Variants in NVL observed in about 807,000 individuals in gnomAD.
The protein encoded by NVL is nuclear valosin-containing protein-like.
Under a neutral mutation model 110.2 loss-of-function variants are expected in NVL, and 84 were observed. The ratio of observed to expected loss-of-function variants is 0.76; its 90% CI spans 0.64 to 0.91. The LOEUF is 0.91. NVL is among the 40% of genes least tolerant of loss of function. The pLI, the probability that NVL is intolerant of heterozygous loss-of-function variation, is 0.00. For synonymous variants in NVL, 354 were observed against 361.1 expected (o/e 0.98, Z 0.22); for missense variants, 882 against 1,035.9 (o/e 0.85, Z 2.04).
chr1:224,306,614 T>C (rs1312683916), intron 6 of NVL, among the ~76,000 whole-genome samples: 1 of 152,130 alleles, frequency 6.6e-6, no homozygotes, highest in Non-Finnish European at 1.5e-5. Context: ...GGTGGATCAC[T>C]TGAGCTCAGG....
intron 17 of NVL, among the ~76,000 whole-genome samples, chr1:224,274,992 G>A (rs1665611982): frequency 6.6e-6 from 1 of 152,126 alleles, no homozygotes; most frequent in African/African-American, 2.4e-5. Flanking sequence ...TAAACTGTAT[G>A]TTTTCCTGTC....
intron 2 of NVL, among the ~76,000 whole-genome samples, chr1:224,320,144 G>A (rs968912213): frequency 1.3e-5 from 2 of 152,084 alleles, no homozygotes; most frequent in African/African-American, 4.8e-5. Context: ...TAGCTATAAA[G>A]AACATTATTG....
intron 19 of NVL, among the ~76,000 whole-genome samples, chr1:224,237,033 G>A (rs1660564832): frequency 6.6e-6 from 1 of 152,210 alleles, no homozygotes. Context: ...GTTGAGAAAT[G>A]AGGCTAAGAA....
chr1:224,321,134 C>G (rs1313746674), intron 2 of NVL, among the ~76,000 whole-genome samples: 1 of 152,038 alleles, frequency 6.6e-6, no homozygotes, highest in Non-Finnish European at 1.5e-5. Context: ...TGCCTTAGTT[C>G]CAGCCATCTG....
At chr1:224,278,799 C>A (rs1339507271) in intron 16 of NVL, among the ~76,000 whole-genome samples, 1 of 151,954 alleles carries the variant, frequency 6.6e-6, no homozygotes, top group Non-Finnish European at 1.5e-5. Flanking sequence ...GTGGCGTGAT[C>A]ATAGCTCACT....
chr1:224,330,168 T>G lies in NVL; in HGVS notation c.-41A>C. ...AGCCACAGCTCGGACCGCCAGCTCC[T>G]AGTCAACCGGGGGCCTCGTAGGGGT... On this transcript the variant is annotated 5_prime_UTR_variant, in exon 1 of 23. Transcript: ENST00000281701. 6.2e-7 allele frequency: 1 copy of G among 1,607,926 alleles called. No homozygotes were observed. The highest frequency in any genetic ancestry group is 1.7e-4 in the Middle Eastern group (1 of 6,024).
At chr1:224,302,326 A>G (rs1668499326) in intron 9 of NVL, among the ~76,000 whole-genome samples, 1 of 151,802 alleles carries the variant, frequency 6.6e-6, no homozygotes, top group African/African-American at 2.4e-5. Context: ...CTTAGCCCCC[A>G]AGTAGCTGGG....
intron 9 of NVL, chr1:224,302,869 T>A (rs1668555854): frequency 3.5e-6 from 1 of 287,142 alleles, no homozygotes; most frequent in African/African-American, 2.3e-5. Flanking sequence ...GGCAACATAG[T>A]GGGCTTCGTC....
chr1:224,294,012 C>T (rs1220540961), intron 12 of NVL, among the ~76,000 whole-genome samples: 1 of 152,030 alleles, frequency 6.6e-6, no homozygotes, highest in Non-Finnish European at 1.5e-5. Flanking sequence ...ACTATGTTGC[C>T]CAGGCTCAAA....
At chr1:224,328,059 C>G (rs1210067506) in intron 1 of NVL, among the ~76,000 whole-genome samples, 1 of 152,018 alleles carries the variant, frequency 6.6e-6, no homozygotes, top group Non-Finnish European at 1.5e-5. Flanking sequence ...CTATGGCAAG[C>G]TCTGATTTCC....
Position 224,287,956 on chromosome 1 carries a change from T to G in NVL, c.1613A>C (p.Gln538Pro). The G allele has an allele frequency of 6.2e-7, 1 of 1,613,648 alleles. No individual in the cohort carries two copies. The highest frequency in any genetic ancestry group is 8.5e-7 in the Non-Finnish European group (1 of 1,180,018). The change falls in exon 14 of 23, where the codon CAA (glutamine) becomes CCA (proline). Residue 538 changes from glutamine (Q) to proline (P), a missense_variant. This residue lies in a region of NVL where 416 missense variants were observed against 499.3 expected (regional missense o/e 0.83). Transcript: ENST00000281701. Reference sequence around the variant, plus strand: ...CATCTGCTCCTCTGAGAGGGGATCTTGGTCTCTTAGCAACCCCAGCAGCCT... The same window carrying G: ...CATCTGCTCCTCTGAGAGGGGATCTGGGTCTCTTAGCAACCCCAGCAGCCT... ...LQRLLGLLRD[Q>P]DPLSEEQMQG...
chr1:224,243,663 C>CTTTTT (rs34312268), intron 19 of NVL, among the ~76,000 whole-genome samples: 2 of 136,724 alleles, frequency 1.5e-5, no homozygotes, highest in Non-Finnish European at 3.1e-5. Context: ...TTAAGTCATA[C>CTTTTT]TTTTTTTTTT....
At chr1:224,313,419 T>C (rs1157922067) in intron 4 of NVL, among the ~76,000 whole-genome samples, 6 of 151,848 alleles carry the variant, frequency 4.0e-5, no homozygotes, top group Admixed American at 2.0e-4. Flanking sequence ...TCTAAGCATA[T>C]CAGCATAAAA....
At chr1:224,274,829 T>C (rs565221100) in intron 17 of NVL, among the ~76,000 whole-genome samples, 3 of 152,156 alleles carry the variant, frequency 2.0e-5, no homozygotes, top group African/African-American at 7.2e-5. Flanking sequence ...ACACAAGTGG[T>C]ATTCAGTGCA....
At chr1:224,267,347 TAG>T (rs1375916769) in intron 18 of NVL, among the ~76,000 whole-genome samples, 1 of 152,070 alleles carries the variant, frequency 6.6e-6, no homozygotes, top group Admixed American at 6.5e-5. Flanking sequence ...TCCTATAAGC[TAG>T]AGAGAAACCA....
chr1:224,289,552 T>C lies in NVL; in HGVS notation c.1507A>G (p.Met503Val). Residue 503 changes from methionine (M) to valine (V), a missense_variant, in exon 13 of 23, where the codon ATG becomes GTG. Physicochemically the swap from Met to Val is conservative, Grantham distance 21. Transcript: ENST00000281701. ...LQEQQKKNPE[M>V]EDLPSKGVQE... is the part of the protein sequence containing the mutation. The stretch of plus-strand genomic sequence containing the variant: ...ACTCCTTTAGATGGCAAATCTTCCA[T>C]TTCAGGATTTTTCTTCTGCTGTTCC... 2 of 1,614,244 alleles carry C rather than the reference T, an allele frequency of 1.2e-6. No homozygotes were observed. Among genetic ancestry groups the C allele is most frequent in the Non-Finnish European group, 1.7e-6 (2 of 1,180,050 alleles).
At chr1:224,285,177 C>T (rs1282940270) in intron 15 of NVL, among the ~76,000 whole-genome samples, 1 of 152,198 alleles carries the variant, frequency 6.6e-6, no homozygotes, top group Non-Finnish European at 1.5e-5. Context: ...TGGCTCACGC[C>T]TGTAATCCCA....
At chr1:224,305,383 C>T in intron 6 of NVL, 1 of 474,910 alleles carries the variant, frequency 2.1e-6, no homozygotes, top group Non-Finnish European at 3.7e-6. Flanking sequence ...ACATTTGGTG[C>T]TGGCCTTGGC....
Position 224,328,123 on chromosome 1 carries a change from C to T in NVL, c.58-1659G>A, listed in dbSNP as rs551211936. Among the ~76,000 whole-genome samples the T allele has an allele frequency of 4.6e-5, 7 of 152,106 alleles. No individual in the cohort carries two copies. The East Asian group carries it at 1.2e-3, about 25-fold the overall frequency. On this transcript the variant is annotated intron_variant, in intron 1 of 22. Coordinates refer to ENST00000281701, the MANE Select transcript of NVL (RefSeq NM_002533.4). ...TTCTGGGATACATGTGCAGAACATG[C>T]GGGTTTGTTACATAGGTATACAGGT...
Sources: allele counts gnomAD v4.1 joint callset (sites outside exome capture counted in the v4.1 genomes callset), GRCh38; gene constraint gnomAD v4.1.1; regional missense constraint gnomAD v4.1.1; transcripts MANE v1.5; gene names NCBI Gene and HGNC (gene_info 2026-07-23, HGNC 2026-07-21).